ROBO2: variants seen among roughly 807,000 people sequenced by gnomAD.
ROBO2 encodes the protein roundabout homolog 2.
A neutral mutation model predicts 160.8 loss-of-function variants in ROBO2; 53 were observed. The observed-to-expected ratio is 0.33, with a 90% CI of 0.26 to 0.41. The LOEUF is 0.41. Among genes scored for constraint, ROBO2 ranks in the 10% least tolerant of loss-of-function variants. The pLI, the probability that ROBO2 is intolerant of heterozygous loss-of-function variation, is 1.00. For synonymous variants in ROBO2, 664 were observed against 611.7 expected (o/e 1.09, Z -1.26); for missense variants, 1,577 against 1,722.4 (o/e 0.92, Z 1.49).
At chr3:77,517,579 C>G (rs1199161123) in intron 5 of ROBO2, among the ~76,000 whole-genome samples, 2 of 151,378 alleles carry the variant, frequency 1.3e-5, no homozygotes, top group Non-Finnish European at 3.0e-5. Context: ...CCTTTGAAAC[C>G]CTTACATAAA....
At chr3:77,020,489 A>G (rs903688134) in intron 2 of ROBO2, among the ~76,000 whole-genome samples, 1 of 152,198 alleles carries the variant, frequency 6.6e-6, no homozygotes, top group Admixed American at 6.5e-5. Flanking sequence ...ATGAAGCCAT[A>G]AAAAATTTGC....
chr3:76,140,519 T>G (rs2071593634), intron 2 of ROBO2, among the ~76,000 whole-genome samples: 1 of 151,948 alleles, frequency 6.6e-6, no homozygotes, highest in Non-Finnish European at 1.5e-5. Flanking sequence ...CACTAGTAAC[T>G]TCAGTGGTAA....
In ROBO2 at chr3:77,395,914, C is replaced by G. The variant is rs559351890; in HGVS notation, c.389-81500C>G. 3.9e-5 allele frequency among the ~76,000 whole-genome samples: 6 copies of G among 152,042 alleles called. No individual in the cohort carries two copies. The South Asian group carries it at 1.2e-3, about 32-fold the overall frequency. On this transcript the variant is annotated intron_variant, in intron 2 of 25. Transcript: ENST00000461745. ...CTTTTGTTTTGTTAGAGAATTCAGA[C>G]CTGCCCCCCTTTTTTTTTAACTTAA...
At chr3:76,764,711 A>G (rs932445678) in intron 2 of ROBO2, among the ~76,000 whole-genome samples, 4 of 151,658 alleles carry the variant, frequency 2.6e-5, no homozygotes, top group Non-Finnish European at 4.4e-5. Flanking sequence ...CCACCTGTCT[A>G]TCAAAACTCC....
chr3:77,100,998 T>G (rs2071839353), intron 2 of ROBO2, among the ~76,000 whole-genome samples: 1 of 152,172 alleles, frequency 6.6e-6, no homozygotes. Context: ...GGTGTCTGGA[T>G]ATGAGGTTGA....
chr3:76,448,998 A>G (rs1473873378), intron 2 of ROBO2, among the ~76,000 whole-genome samples: 1 of 152,160 alleles, frequency 6.6e-6, no homozygotes, highest in Non-Finnish European at 1.5e-5. Context: ...GCAATTTTTA[A>G]ATTGTAAGGA....
chr3:77,378,256 T>C (rs2072958245), intron 2 of ROBO2, among the ~76,000 whole-genome samples: 1 of 152,156 alleles, frequency 6.6e-6, no homozygotes, highest in East Asian at 1.9e-4. Flanking sequence ...TCAGCTAATA[T>C]TTTGTTGAGA....
intron 2 of ROBO2, among the ~76,000 whole-genome samples, chr3:76,259,908 T>A (rs1358796808): frequency 6.6e-6 from 1 of 152,178 alleles, no homozygotes; most frequent in Non-Finnish European, 1.5e-5. Context: ...GCAGCATCAG[T>A]GAATCTGTCA....
chr3:76,149,150 C>A (rs1157930135), intron 2 of ROBO2, among the ~76,000 whole-genome samples: 3 of 152,082 alleles, frequency 2.0e-5, no homozygotes, highest in Non-Finnish European at 4.4e-5. Context: ...TCTAGGACAT[C>A]AACTAGACTG....
chr3:76,418,157 TTATAATTA>T (rs2075830137), intron 2 of ROBO2, among the ~76,000 whole-genome samples: 1 of 151,300 alleles, frequency 6.6e-6, no homozygotes, highest in South Asian at 2.1e-4. Context: ...GCCTACAAAT[TTATAATTA>T]TATAACTAGG....
chr3:75,921,748 A>G (rs1387852360), intron 1 of ROBO2, among the ~76,000 whole-genome samples: 1 of 152,174 alleles, frequency 6.6e-6, no homozygotes, highest in Non-Finnish European at 1.5e-5. Flanking sequence ...ACAGCAGATA[A>G]TTAGGTATCT....
intron 1 of ROBO2, among the ~76,000 whole-genome samples, chr3:75,936,129 C>T (rs548038572): frequency 6.6e-6 from 1 of 152,272 alleles, no homozygotes; most frequent in South Asian, 2.1e-4. Context: ...TTAGAAATGT[C>T]ATTGTAACCT....
chr3:76,364,868 C>T (rs2075722007), intron 2 of ROBO2, among the ~76,000 whole-genome samples: 1 of 152,006 alleles, frequency 6.6e-6, no homozygotes, highest in African/African-American at 2.4e-5. Context: ...GGGAGGGCAA[C>T]CTACGGTGTA....
intron 2 of ROBO2, among the ~76,000 whole-genome samples, chr3:76,498,559 C>T (rs2080281423): frequency 6.6e-6 from 1 of 151,374 alleles, no homozygotes; most frequent in Non-Finnish European, 1.5e-5. Flanking sequence ...CTGTTCTATG[C>T]AAGAAATACA....
At chr3:76,829,626 T>C (rs1242840268) in intron 2 of ROBO2, among the ~76,000 whole-genome samples, 2 of 150,744 alleles carry the variant, frequency 1.3e-5, no homozygotes, top group East Asian at 3.9e-4. Context: ...TCTCTTCTTT[T>C]CTTTTTCTTT....
At chr3:76,037,887 A>G in intron 2 of ROBO2, among the ~76,000 whole-genome samples, 1 of 152,082 alleles carries the variant, frequency 6.6e-6, no homozygotes. Flanking sequence ...GATTCGCTGA[A>G]TGACAGGGGT....
rs534439985 is a variant in ROBO2, at chr3:76,838,362, A to G, written c.110-259652A>G. ...GTTTACTTGTGTAATAAACCTTCAC[A>G]TGTACCCCAGAACCTAAAATAAAGG... On this transcript the variant is annotated intron_variant, in intron 2 of 26. Transcript: ENST00000487694. Among the ~76,000 whole-genome samples, 11 of 152,240 alleles carry G rather than the reference A, an allele frequency of 7.2e-5. No homozygotes were observed. The East Asian group carries it at 2.1e-3, about 29-fold the overall frequency.
chr3:77,595,076 G>T lies in ROBO2; in HGVS notation c.2684-66G>T, dbSNP rs184173496. 55 of 1,259,310 alleles carry T rather than the reference G, an allele frequency of 4.4e-5. No homozygotes were observed. In the East Asian group the frequency reaches 1.2e-3, roughly 28 times the overall value. The allele number at this position is 1,259,310 out of a possible 1,614,324, so 78.0% of individuals were successfully genotyped here. On this transcript the variant is annotated intron_variant, in intron 17 of 25. Coordinates refer to ENST00000461745, the Ensembl canonical transcript of ROBO2. The stretch of plus-strand genomic sequence containing the variant: ...CTAAACTAAGGGCCAATATGTAGTT[G>T]TTATTAATTGTAATTAATATTGACT...
chr3:76,761,254 GA>G (rs781619053), intron 2 of ROBO2, among the ~76,000 whole-genome samples: 2 of 151,614 alleles, frequency 1.3e-5, no homozygotes, highest in East Asian at 3.9e-4. Flanking sequence ...AAACCTTAGA[GA>G]AAAAAATAAG....
Sources: allele counts gnomAD v4.1 joint callset (sites outside exome capture counted in the v4.1 genomes callset), GRCh38; gene constraint gnomAD v4.1.1; transcripts MANE v1.5; gene names NCBI Gene and HGNC (gene_info 2026-07-23, HGNC 2026-07-21).